Variants in SMOC1 observed in about 807,000 individuals in gnomAD.
The protein encoded by SMOC1 is SPARC-related modular calcium-binding protein 1.
SMOC1 carries 22 observed loss-of-function variants against 56.3 expected under a neutral mutation model. The observed-to-expected ratio is 0.39, with a 90% CI of 0.28 to 0.56. SMOC1 has a LOEUF of 0.56. Among genes scored for constraint, SMOC1 ranks in the 20% least tolerant of loss-of-function variants. The pLI, the probability that SMOC1 is intolerant of heterozygous loss-of-function variation, is 0.61. For synonymous variants in SMOC1, 193 were observed against 215.0 expected, an observed-to-expected ratio of 0.90 and a Z score of 0.89; for missense variants, 509 against 565.4, an observed-to-expected ratio of 0.90 and a Z score of 1.01.
chr14:69,949,055 C>G (rs1054001911), intron 1 of SMOC1, among the ~76,000 whole-genome samples: 2 of 152,212 alleles, frequency 1.3e-5, no homozygotes, highest in African/African-American at 4.8e-5. Context: ...GTGCCAGACA[C>G]CAGATGCTGA....
intron 3 of SMOC1, among the ~76,000 whole-genome samples, chr14:69,954,320 AG>A (rs1358898811): frequency 6.6e-6 from 1 of 152,170 alleles, no homozygotes; most frequent in Non-Finnish European, 1.5e-5. Context: ...CTGGGACTGT[AG>A]GCACATGCCA....
rs1290456656 is a variant in SMOC1 at position 70,032,290 on chromosome 14, G to A, written c.*2032G>A. The A allele has an allele frequency of 6.6e-6, 1 of 152,298 alleles. No homozygotes were observed. The highest frequency in any genetic ancestry group is 2.4e-5 in the African/African-American group (1 of 41,472). The allele number at this position is 152,298 out of a possible 1,614,324, so 9.4% of individuals were successfully genotyped here. A position where few individuals can be genotyped will look rare whatever the true frequency, so the allele number is the denominator to read the frequency against. ...GGATCGTGTGTGTAGGTGGTGTTGT[G>A]TGGTTTTCCTTTGTGAAGGAGAGAG... On this transcript the variant is annotated 3_prime_UTR_variant, in exon 12 of 12. Transcript: ENST00000361956.
At chr14:69,949,184 A>T (rs1882904228) in intron 1 of SMOC1, among the ~76,000 whole-genome samples, 1 of 152,150 alleles carries the variant, frequency 6.6e-6, no homozygotes, top group African/African-American at 2.4e-5. Flanking sequence ...ACCTCTGCCC[A>T]CGTGCAATGC....
At chr14:69,999,026 C>A (rs746633151) in intron 7 of SMOC1, among the ~76,000 whole-genome samples, 4 of 152,192 alleles carry the variant, frequency 2.6e-5, no homozygotes, top group Non-Finnish European at 5.9e-5. Context: ...TGACTCTGCT[C>A]CCTGGAGATA....
At chr14:69,888,487 C>G (rs1286125976) in intron 1 of SMOC1, among the ~76,000 whole-genome samples, 3 of 152,178 alleles carry the variant, frequency 2.0e-5, no homozygotes, top group Admixed American at 2.0e-4. Flanking sequence ...AGGTAGCTCT[C>G]ATCTCAGTAG....
At position 69,952,028 on chromosome 14, in the gene SMOC1, T is replaced by C. The variant is rs1332452047; in HGVS notation, c.100-110T>C. Reference sequence around the variant, plus strand: ...CTTCACCTTTAGGGTTTTATTTGGGTTTATTAGGGACTTACTTTCTAAAGG... The same window carrying C: ...CTTCACCTTTAGGGTTTTATTTGGGCTTATTAGGGACTTACTTTCTAAAGG... On this transcript the variant is annotated intron_variant, in intron 1 of 11. Coordinates refer to ENST00000361956, the MANE Select transcript of SMOC1 (RefSeq NM_001034852.3). 41 of 1,286,668 alleles carry C rather than the reference T, an allele frequency of 3.2e-5. No homozygotes were observed. The Admixed American group carries it at 7.2e-4, about 23-fold the overall frequency. 79.7% of individuals were successfully genotyped at this position (1,286,668 alleles called of 1,614,324 possible).
intron 3 of SMOC1, among the ~76,000 whole-genome samples, chr14:69,973,225 T>A (rs1883839700): frequency 6.6e-6 from 1 of 152,230 alleles, no homozygotes; most frequent in South Asian, 2.1e-4. Context: ...AGAGGAGATC[T>A]GGCCCTGGAA....
chr14:70,020,773 G>T (rs1443991012), intron 10 of SMOC1, among the ~76,000 whole-genome samples: 1 of 152,194 alleles, frequency 6.6e-6, no homozygotes, highest in Non-Finnish European at 1.5e-5. Flanking sequence ...AAAATCAGAA[G>T]AAAGGCAGGG....
intron 11 of SMOC1, 21 bp from the exon 12 acceptor site, chr14:70,030,221 C>A: frequency 7.1e-7 from 1 of 1,417,552 alleles, no homozygotes. Flanking sequence ...TTTTTTTTTG[C>A]ATTCTCCTTC....
intron 1 of SMOC1, among the ~76,000 whole-genome samples, chr14:69,933,539 TG>T (rs1363408261): frequency 5.3e-5 from 8 of 152,234 alleles, no homozygotes; most frequent in African/African-American, 1.7e-4. Context: ...TTTTTGTTTT[TG>T]TTTTTTTTAG....
chr14:69,959,108 A>G (rs1594823712), intron 3 of SMOC1, among the ~76,000 whole-genome samples: 1 of 152,308 alleles, frequency 6.6e-6, no homozygotes, highest in East Asian at 1.9e-4. Context: ...ACTTATTGTC[A>G]TTATTTAGGA....
At chr14:69,961,270 G>GTGTA (rs1280766827) in intron 3 of SMOC1, among the ~76,000 whole-genome samples, 1 of 59,692 alleles carries the variant, frequency 1.7e-5, no homozygotes, top group African/African-American at 8.0e-5. Flanking sequence ...ATATTCTATT[G>GTGTA]TGTATATATA....
At chr14:69,918,978 TTTTGTTTG>T (rs957812798) in intron 1 of SMOC1, among the ~76,000 whole-genome samples, 84 of 152,296 alleles carry the variant, frequency 5.5e-4, no homozygotes, top group African/African-American at 1.9e-3. Flanking sequence ...TCGTGGGTTT[TTTTGTTTG>T]TTTGTTTGTT....
chr14:69,922,967 T>A (rs1234937527), intron 1 of SMOC1, among the ~76,000 whole-genome samples: 1 of 150,266 alleles, frequency 6.7e-6, no homozygotes, highest in Non-Finnish European at 1.5e-5. Context: ...GTTTTTTAGA[T>A]GGAGTCTCGC....
At chr14:69,996,136 A>G (rs981252229) in intron 7 of SMOC1, among the ~76,000 whole-genome samples, 1 of 152,130 alleles carries the variant, frequency 6.6e-6, no homozygotes, top group African/African-American at 2.4e-5. Flanking sequence ...GCCCTTAACA[A>G]TTGTTTCCTT....
chr14:69,933,497 A>C lies in SMOC1; in HGVS notation c.100-18641A>C, dbSNP rs571432890. On this transcript the variant is annotated intron_variant, in intron 1 of 11. Transcript: ENST00000361956. ...AAATCACTGTAATACAAAATTAGAA[A>C]GAAATGAGCTCACACAAATGTAAAA... Among the ~76,000 whole-genome samples, 121 of 152,342 alleles carry C rather than the reference A, an allele frequency of 7.9e-4. 2 individuals are homozygous for C. In the South Asian group the frequency reaches 9.1e-3, roughly 11 times the overall value.
At chr14:70,011,448 G>GGGCCCC in intron 8 of SMOC1, 37 bp from the exon 9 acceptor site, 1 of 1,356,898 alleles carries the variant, frequency 7.4e-7, no homozygotes, top group African/African-American at 1.5e-5. Context: ...TCAGTTGCCA[G>GGGCCCC]CCCCTCCCAA....
At chr14:69,956,977 C>T (rs1481453991) in intron 3 of SMOC1, among the ~76,000 whole-genome samples, 1 of 132,200 alleles carries the variant, frequency 7.6e-6, no homozygotes, top group Admixed American at 7.8e-5. Flanking sequence ...GTATGGACTT[C>T]ATCACTCTGT....
intron 5 of SMOC1, chr14:69,978,194 G>C: frequency 1.7e-6 from 1 of 583,164 alleles, no homozygotes; most frequent in Non-Finnish European, 3.1e-6. Flanking sequence ...TGAGTATAGA[G>C]CCCAGAGCTG....
Sources: allele counts gnomAD v4.1 joint callset (sites outside exome capture counted in the v4.1 genomes callset), GRCh38; gene constraint gnomAD v4.1.1; transcripts MANE v1.5; gene names NCBI Gene and HGNC (gene_info 2026-07-23, HGNC 2026-07-21).